Variants in ANTXR2 observed in about 807,000 individuals in gnomAD.
The protein encoded by ANTXR2 is ANTXR cell adhesion molecule 2.
Under a neutral mutation model 73.7 loss-of-function variants are expected in ANTXR2, and 44 were observed. That is an observed-to-expected ratio of 0.60 (90% CI 0.47 to 0.77). The LOEUF is 0.77. Ranked by LOEUF, ANTXR2 falls within the 30% of genes least tolerant of loss-of-function variation. ANTXR2 has a pLI of 0.00. For synonymous variants in ANTXR2, 217 were observed against 205.9 expected, an observed-to-expected ratio of 1.05 and a Z score of -0.46; for missense variants, 604 against 592.5, an observed-to-expected ratio of 1.02 and a Z score of -0.20.
intron 2 of ANTXR2, among the ~76,000 whole-genome samples, chr4:80,070,559 C>T (rs1734740168): frequency 6.6e-6 from 1 of 152,176 alleles, no homozygotes; most frequent in African/African-American, 2.4e-5. Context: ...ACCTCAGACC[C>T]TGTCCAGAAA....
At chr4:79,912,534 T>C (rs1283446907) in intron 16 of ANTXR2, among the ~76,000 whole-genome samples, 2 of 152,074 alleles carry the variant, frequency 1.3e-5, no homozygotes, top group Non-Finnish European at 2.9e-5. Context: ...ATTACATAGT[T>C]AGTGAATTTC....
chr4:79,999,889 C>A (rs1730937228), intron 12 of ANTXR2, among the ~76,000 whole-genome samples: 1 of 151,830 alleles, frequency 6.6e-6, no homozygotes, highest in African/African-American at 2.4e-5. Flanking sequence ...TGTCACTGCA[C>A]TCCAGCCTGA....
chr4:80,064,717 C>G (rs1057509834), intron 3 of ANTXR2, among the ~76,000 whole-genome samples: 4 of 152,126 alleles, frequency 2.6e-5, no homozygotes, highest in African/African-American at 9.7e-5. Context: ...AGGGGCAGAT[C>G]TGCAGCAAAG....
intron 16 of ANTXR2, 59 bp downstream of exon 16, chr4:79,977,562 G>C: frequency 6.5e-7 from 1 of 1,533,208 alleles, no homozygotes; most frequent in East Asian, 2.5e-5. Flanking sequence ...CTATTTCCCT[G>C]CCTCCATTAT....
At chr4:80,069,570 T>C in intron 2 of ANTXR2, 63 bp from the exon 3 acceptor site, 3 of 1,306,532 alleles carry the variant, frequency 2.3e-6, no homozygotes, top group Admixed American at 4.2e-5. Context: ...ACGATACAGA[T>C]GTATAGTTAG....
intron 8 of ANTXR2, among the ~76,000 whole-genome samples, chr4:80,035,151 T>G (rs1194084967): frequency 6.6e-6 from 1 of 152,190 alleles, no homozygotes; most frequent in Non-Finnish European, 1.5e-5. Flanking sequence ...TATTTTAATA[T>G]TATTTTTCCA....
At chr4:80,054,231 A>T in intron 7 of ANTXR2, 41 bp downstream of exon 7, 2 of 1,454,428 alleles carry the variant, frequency 1.4e-6, no homozygotes, top group Non-Finnish European at 1.9e-6. Context: ...AAAAAAATAT[A>T]CAAGGTTATG....
At chr4:80,054,400 A>C (rs971389278) in intron 6 of ANTXR2, 48 bp from the exon 7 acceptor site, 1 of 1,301,428 alleles carries the variant, frequency 7.7e-7, no homozygotes, top group Non-Finnish European at 1.1e-6. Context: ...TGACACATAC[A>C]ACAATTTATA....
chr4:80,041,220 C>G (rs576503724), intron 7 of ANTXR2, among the ~76,000 whole-genome samples: 1 of 152,086 alleles, frequency 6.6e-6, no homozygotes, highest in African/African-American at 2.4e-5. Context: ...TTTATTGAGT[C>G]CAAACCCCAT....
At chr4:79,932,792 C>CAAAAAAAAAA (rs57359650) in intron 16 of ANTXR2, among the ~76,000 whole-genome samples, 2 of 52,362 alleles carry the variant, frequency 3.8e-5, no homozygotes, top group Non-Finnish European at 3.2e-5. Flanking sequence ...AACTCCATCT[C>CAAAAAAAAAA]AAAAAAAAAA....
At chr4:79,985,777 G>A (rs576158596) in intron 12 of ANTXR2, among the ~76,000 whole-genome samples, 48 of 151,134 alleles carry the variant, frequency 3.2e-4, no homozygotes, top group Non-Finnish European at 6.8e-4. Context: ...TAACAAATCA[G>A]CTTCTTAGCC....
intron 16 of ANTXR2, among the ~76,000 whole-genome samples, chr4:79,937,073 C>T (rs927853091): frequency 1.4e-5 from 2 of 147,590 alleles, no homozygotes; most frequent in African/African-American, 4.9e-5. Flanking sequence ...TTAATAAATA[C>T]ATTAGCATTA....
chr4:80,035,919 C>T, intron 8 of ANTXR2, 53 bp downstream of exon 8: 2 of 1,415,298 alleles, frequency 1.4e-6, no homozygotes. Context: ...TATATTTTAG[C>T]TAGGAAAAAA....
chr4:80,056,360 A>C (rs1475276509), intron 3 of ANTXR2, among the ~76,000 whole-genome samples: 2 of 151,892 alleles, frequency 1.3e-5, no homozygotes, highest in African/African-American at 4.8e-5. Flanking sequence ...ACAAAAATTG[A>C]GTAGCTCATC....
intron 16 of ANTXR2, among the ~76,000 whole-genome samples, chr4:79,936,455 A>G (rs1458611962): frequency 6.6e-6 from 1 of 152,138 alleles, no homozygotes; most frequent in Non-Finnish European, 1.5e-5. Context: ...TTTCTCCTTC[A>G]TCTCACAACC....
intron 12 of ANTXR2, among the ~76,000 whole-genome samples, chr4:79,989,514 G>T (rs192594688): frequency 6.6e-6 from 1 of 151,686 alleles, no homozygotes. Flanking sequence ...AGAAAATGCC[G>T]TAGATGAGAC....
At chr4:79,993,523 T>C (rs1730572635) in intron 12 of ANTXR2, among the ~76,000 whole-genome samples, 1 of 151,876 alleles carries the variant, frequency 6.6e-6, no homozygotes, top group South Asian at 2.1e-4. Flanking sequence ...CTCCAACGCA[T>C]ACACAATCAA....
chr4:80,048,496 T>G (rs2110100797), intron 7 of ANTXR2, among the ~76,000 whole-genome samples: 1 of 151,770 alleles, frequency 6.6e-6, no homozygotes, highest in Admixed American at 6.6e-5. Context: ...GTCCTACCAT[T>G]TTTGTTTCTC....
intron 12 of ANTXR2, among the ~76,000 whole-genome samples, chr4:79,995,053 A>G (rs1473350771): frequency 6.6e-6 from 1 of 152,024 alleles, no homozygotes; most frequent in East Asian, 1.9e-4. Context: ...TTCACAGAGT[A>G]GCCCACCAAC....
Sources: allele counts gnomAD v4.1 joint callset (sites outside exome capture counted in the v4.1 genomes callset), GRCh38; gene constraint gnomAD v4.1.1; transcripts MANE v1.5; gene names NCBI Gene and HGNC (gene_info 2026-07-23, HGNC 2026-07-21).